ZFYVE28: variants seen among roughly 807,000 people sequenced by gnomAD.
ZFYVE28 encodes the protein zinc finger FYVE-type containing 28.
Under a neutral mutation model 82.1 loss-of-function variants are expected in ZFYVE28, and 40 were observed. The observed-to-expected ratio is 0.49, with a 90% confidence interval of 0.38 to 0.63. The LOEUF (loss-of-function observed/expected upper bound fraction) is 0.63. Ranked by LOEUF, ZFYVE28 falls within the 30% of genes least tolerant of loss-of-function variation. ZFYVE28 has a pLI of 0.00. For missense variants in ZFYVE28, 1,321 were observed against 1,242.1 expected, an observed-to-expected ratio of 1.06 and a Z score of -0.96; for synonymous variants, 612 against 546.1, an observed-to-expected ratio of 1.12 and a Z score of -1.68.
At chr4:2,330,173 T>C (rs1182730651) in intron 6 of ZFYVE28, 1 of 703,342 alleles carries the variant, frequency 1.4e-6, no homozygotes, top group African/African-American at 1.9e-5. Context: ...TTGTGAGTAA[T>C]GAAAATGTTA....
chr4:2,347,959 C>T (rs1723827669), intron 2 of ZFYVE28, among the ~76,000 whole-genome samples: 1 of 151,802 alleles, frequency 6.6e-6, no homozygotes, highest in Non-Finnish European at 1.5e-5. Context: ...AAAGGAATAG[C>T]AACAATCAGA....
chr4:2,359,478 G>A lies in ZFYVE28; in HGVS notation c.40-5405C>T, dbSNP rs61790666. On this transcript the variant is annotated intron_variant, in intron 1 of 12. Transcript: ENST00000290974. ...TAAGGTTAAATGAGGTCATCAGGGCGGGCCCTAATCCAATATACCTGGTGT... is the reference window on the plus strand; with the variant it reads ...TAAGGTTAAATGAGGTCATCAGGGCAGGCCCTAATCCAATATACCTGGTGT... Among the ~76,000 whole-genome samples the A allele has an allele frequency of 9.3e-3, 1,412 of 152,212 alleles. 11 individuals are homozygous for A. Among genetic ancestry groups the A allele is most frequent in the Non-Finnish European group, 0.014 (942 of 68,024 alleles).
chr4:2,323,750 G>A (rs902410769), intron 6 of ZFYVE28, among the ~76,000 whole-genome samples: 8 of 132,890 alleles, frequency 6.0e-5, no homozygotes, highest in Non-Finnish European at 1.2e-4. Flanking sequence ...GTGTCCATGT[G>A]ATCTCATTGT....
At chr4:2,361,363 G>A (rs1726124081) in intron 1 of ZFYVE28, among the ~76,000 whole-genome samples, 1 of 152,260 alleles carries the variant, frequency 6.6e-6, no homozygotes, top group African/African-American at 2.4e-5. Context: ...GGTCCCTAAT[G>A]TGAGCTGTGG....
intron 6 of ZFYVE28, among the ~76,000 whole-genome samples, chr4:2,325,713 C>T (rs1159752473): frequency 2.7e-5 from 4 of 150,758 alleles, no homozygotes; most frequent in African/African-American, 4.9e-5. Flanking sequence ...CTAATCCTCT[C>T]GTCTTAGCCT....
intron 1 of ZFYVE28, chr4:2,364,753 A>G: frequency 1.0e-6 from 1 of 985,532 alleles, no homozygotes; most frequent in Non-Finnish European, 1.2e-6. Context: ...AACGTTGTGC[A>G]TTCCCGCCGC....
At chr4:2,317,018 T>C (rs1718326597) in intron 7 of ZFYVE28, among the ~76,000 whole-genome samples, 1 of 142,718 alleles carries the variant, frequency 7.0e-6, no homozygotes, top group Non-Finnish European at 1.5e-5. Context: ...AGACAGAGTC[T>C]CACTCTGTCA....
chr4:2,278,281 G>A (rs1736662495), intron 8 of ZFYVE28, among the ~76,000 whole-genome samples: 1 of 134,318 alleles, frequency 7.4e-6, no homozygotes, highest in South Asian at 2.3e-4. Flanking sequence ...TGACTTCCCT[G>A]GGCTCAAGTG....
intron 7 of ZFYVE28, among the ~76,000 whole-genome samples, chr4:2,318,809 G>GC (rs1306269569): frequency 6.6e-6 from 1 of 152,210 alleles, no homozygotes. Flanking sequence ...GAAGACCGAG[G>GC]CCGGAGGAAA....
chr4:2,399,911 A>G (rs1289513712), intron 1 of ZFYVE28, among the ~76,000 whole-genome samples: 3 of 152,248 alleles, frequency 2.0e-5, no homozygotes, highest in African/African-American at 2.4e-5. Context: ...GTGGAGGAAC[A>G]GGGCAGGGCG....
intron 3 of ZFYVE28, among the ~76,000 whole-genome samples, chr4:2,340,805 G>T (rs3135120): frequency 0.88 from 134,225 of 152,068 alleles, 59,428 homozygotes; most frequent in Admixed American, 0.92. Flanking sequence ...GGGGTGGGCA[G>T]GGTGGACACA....
intron 1 of ZFYVE28, chr4:2,406,815 T>C (rs1252824056): frequency 6.6e-6 from 1 of 152,300 alleles, no homozygotes; most frequent in African/African-American, 2.4e-5. Context: ...TTTGCTGCCC[T>C]CTTCTCATCC....
intron 1 of ZFYVE28, among the ~76,000 whole-genome samples, chr4:2,369,840 T>TTTTATTTTATTTTATTTATTTTTC (rs1560296892): frequency 2.6e-5 from 1 of 38,334 alleles, no homozygotes. Flanking sequence ...GGGATTTTTT[T>TTTTATTTTATTTTATTTATTTTTC]TTTTCTTTTC....
chr4:2,326,798 T>C (rs1228077430), intron 6 of ZFYVE28, among the ~76,000 whole-genome samples: 1 of 152,246 alleles, frequency 6.6e-6, no homozygotes, highest in Non-Finnish European at 1.5e-5. Context: ...CTATTGTAAA[T>C]GAGATTATTC....
At chr4:2,365,578 A>T (rs1472982087) in intron 1 of ZFYVE28, among the ~76,000 whole-genome samples, 4 of 151,830 alleles carry the variant, frequency 2.6e-5, no homozygotes, top group Non-Finnish European at 5.9e-5. Context: ...CTTTGGTGGG[A>T]GCCCTGAGCC....
rs543002668 is a variant in ZFYVE28 at position 2,359,691 on chromosome 4, C to T, written c.40-5618G>A. On this transcript the variant is annotated intron_variant, in intron 1 of 12. Transcript: ENST00000290974. ...AATACATTCCTACCGTTCCGGCTAC[C>T]GAGTCTGGAGTCCTTTGTTGCGGCC... 1.2e-4 allele frequency among the ~76,000 whole-genome samples: 18 copies of T among 152,304 alleles called. No individual in the cohort carries two copies. In the South Asian group the frequency reaches 1.5e-3, roughly 12 times the overall value.
At chr4:2,384,021 C>T (rs1284189239) in intron 1 of ZFYVE28, among the ~76,000 whole-genome samples, 1 of 152,144 alleles carries the variant, frequency 6.6e-6, no homozygotes, top group Non-Finnish European at 1.5e-5. Context: ...GGCTGTTCTG[C>T]AAAGAAGGGC....
chr4:2,406,062 A>AAAGAAAAGAAAG (rs1553867782), intron 1 of ZFYVE28, among the ~76,000 whole-genome samples: 1 of 125,072 alleles, frequency 8.0e-6, no homozygotes, highest in African/African-American at 3.3e-5. Context: ...AAAAAAAAAA[A>AAAGAAAAGAAAG]AAAGAAAGAA....
At chr4:2,305,676 G>C in intron 7 of ZFYVE28, 140 bp from the exon 8 acceptor site, 3 of 1,057,786 alleles carry the variant, frequency 2.8e-6, no homozygotes, top group Non-Finnish European at 4.1e-6. Flanking sequence ...GAATTCTCAA[G>C]GCACCAGCAC....
Sources: allele counts gnomAD v4.1 joint callset (sites outside exome capture counted in the v4.1 genomes callset), GRCh38; gene constraint gnomAD v4.1.1; transcripts MANE v1.5; gene names NCBI Gene and HGNC (gene_info 2026-07-23, HGNC 2026-07-21).